The following DHRSX variants were observed in gnomAD, a reference collection of about 807,000 sequenced individuals.
The protein encoded by DHRSX is polyprenol dehydrogenase.
Under a neutral mutation model 34.0 loss-of-function variants are expected in DHRSX, and 31 were observed. That is an observed-to-expected ratio of 0.91 (90% confidence interval 0.69 to 1.23). The LOEUF (loss-of-function observed/expected upper bound fraction) is 1.23, where lower values mean the gene tolerates loss of function less well. Among genes scored for constraint, DHRSX ranks in the 50% most tolerant of loss-of-function variants. The pLI, the probability that DHRSX is intolerant of heterozygous loss-of-function variation, is 0.00. For missense variants in DHRSX, 414 were observed against 428.1 expected, an observed-to-expected ratio of 0.97 and a Z score of 0.29; for synonymous variants, 201 against 183.8, an observed-to-expected ratio of 1.09 and a Z score of -0.76.
At chrX:2,488,469 C>T in intron 1 of DHRSX, 1 of 963,498 alleles carries the variant, frequency 1.0e-6, no homozygotes, top group Non-Finnish European at 1.5e-6. Flanking sequence ...GCCACCGCCC[C>T]CGACCCTCTC....
rs191316419 is a variant in DHRSX at position 2,384,989 on chromosome X, G to C, written c.286+23756C>G. Among the ~76,000 whole-genome samples the C allele has an allele frequency of 8.0e-3, 1,217 of 151,762 alleles. 32 individuals are homozygous for C. In the East Asian group the frequency reaches 0.093, roughly 12 times the overall value. Reference sequence around the variant, plus strand: ...CATTTGCTGCGCACCTGTAGTCCCAGCTGCTCGGGAGGCTGAGGCAGGAGA... The same window carrying C: ...CATTTGCTGCGCACCTGTAGTCCCACCTGCTCGGGAGGCTGAGGCAGGAGA... On this transcript the variant is annotated intron_variant, in intron 3 of 6. Transcript: ENST00000334651.
intron 1 of DHRSX, among the ~76,000 whole-genome samples, chrX:2,441,996 C>T (rs1450217761): frequency 6.6e-6 from 1 of 152,156 alleles, no homozygotes; most frequent in Non-Finnish European, 1.5e-5. Flanking sequence ...ATTGCTTGAA[C>T]CCAGAAGGCA....
chrX:2,247,357 A>G (rs2016321248), intron 5 of DHRSX, among the ~76,000 whole-genome samples: 1 of 149,006 alleles, frequency 6.7e-6, no homozygotes, highest in South Asian at 2.1e-4. Flanking sequence ...CCCTGAAACT[A>G]TAAAAAAAAA....
intron 3 of DHRSX, among the ~76,000 whole-genome samples, chrX:2,318,501 G>A (rs995733723): frequency 3.3e-5 from 5 of 152,130 alleles, no homozygotes; most frequent in African/African-American, 1.2e-4. Context: ...AACCAAGATG[G>A]CGACGAGACT....
At chrX:2,414,429 T>A (rs193214798) in intron 2 of DHRSX, among the ~76,000 whole-genome samples, 1 of 151,598 alleles carries the variant, frequency 6.6e-6, no homozygotes, top group Non-Finnish European at 1.5e-5. Flanking sequence ...CTAACCCAAC[T>A]AGAACTCATC....
intron 3 of DHRSX, among the ~76,000 whole-genome samples, chrX:2,347,028 T>C (rs1488010804): frequency 2.0e-5 from 3 of 152,224 alleles, no homozygotes; most frequent in Non-Finnish European, 2.9e-5. Context: ...CTGTGCCATA[T>C]TGTCTTTACA....
chrX:2,387,194 G>A (rs1355706588), intron 3 of DHRSX, among the ~76,000 whole-genome samples: 2 of 151,968 alleles, frequency 1.3e-5, no homozygotes, highest in Non-Finnish European at 2.9e-5. Flanking sequence ...ACATGAGTTT[G>A]GGCACTGGGA....
chrX:2,498,286 T>C (rs1245264900), intron 1 of DHRSX, among the ~76,000 whole-genome samples: 1 of 152,164 alleles, frequency 6.6e-6, no homozygotes, highest in Non-Finnish European at 1.5e-5. Context: ...ATTGGCCCTC[T>C]TGGTTATTCA....
chrX:2,250,334 G>A (rs1438404132), intron 5 of DHRSX, among the ~76,000 whole-genome samples: 2 of 152,036 alleles, frequency 1.3e-5, no homozygotes, highest in African/African-American at 4.8e-5. Context: ...AACTCCGAGT[G>A]GGTCCATAGA....
intron 3 of DHRSX, among the ~76,000 whole-genome samples, chrX:2,315,306 T>C (rs1242955476): frequency 1.3e-5 from 2 of 152,044 alleles, no homozygotes; most frequent in Non-Finnish European, 2.9e-5. Flanking sequence ...TGGACACCAG[T>C]CCAGTTTGGC....
At chrX:2,230,237 G>A (rs895560894) in intron 6 of DHRSX, among the ~76,000 whole-genome samples, 4 of 152,180 alleles carry the variant, frequency 2.6e-5, no homozygotes, top group African/African-American at 9.7e-5. Flanking sequence ...GTGCATGAGT[G>A]TGCACATGTG....
chrX:2,288,546 G>A (rs1252549497), intron 4 of DHRSX, among the ~76,000 whole-genome samples: 4 of 152,174 alleles, frequency 2.6e-5, no homozygotes, highest in Admixed American at 6.6e-5. Context: ...CTTTAAGGCC[G>A]GGTTGGAGGC....
intron 1 of DHRSX, among the ~76,000 whole-genome samples, chrX:2,474,173 C>A (rs111489558): frequency 0.21 from 31,240 of 151,880 alleles, 4,281 homozygotes; most frequent in African/African-American, 0.39. Flanking sequence ...GCCAAGGGAT[C>A]GCCACCGTGT....
intron 5 of DHRSX, among the ~76,000 whole-genome samples, chrX:2,249,675 C>T (rs2016390770): frequency 6.6e-6 from 1 of 151,460 alleles, no homozygotes; most frequent in South Asian, 2.1e-4. Context: ...AGGCGCCTAC[C>T]ATCACGCCCA....
rs956834282 is a variant in DHRSX, at chrX:2,290,977, C to T, written c.388+525G>A. 5.7e-4 allele frequency among the ~76,000 whole-genome samples: 86 copies of T among 152,064 alleles called. 1 individual carries two copies. Among genetic ancestry groups the T allele is most frequent in the Non-Finnish European group, 1.3e-4 (9 of 68,022 alleles). ...AGGTCAACAGTAAGCGTTGCAATGACCTTAAGCACTCAGCGAGGCTCAAAG... is the reference window on the plus strand; with the variant it reads ...AGGTCAACAGTAAGCGTTGCAATGATCTTAAGCACTCAGCGAGGCTCAAAG... On this transcript the variant is annotated intron_variant, in intron 4 of 6. Transcript: ENST00000334651.
At chrX:2,442,201 T>C (rs2044071464) in intron 1 of DHRSX, among the ~76,000 whole-genome samples, 2 of 151,896 alleles carry the variant, frequency 1.3e-5, no homozygotes, top group South Asian at 2.1e-4. Flanking sequence ...AGAAAACATA[T>C]GTACTACTCA....
intron 3 of DHRSX, among the ~76,000 whole-genome samples, chrX:2,373,649 G>C (rs2043106611): frequency 6.6e-6 from 1 of 152,170 alleles, no homozygotes; most frequent in African/African-American, 2.4e-5. Context: ...AAAGGGGAAG[G>C]GGTTGTTGTA....
At chrX:2,263,546 TG>T (rs1179045956) in intron 5 of DHRSX, among the ~76,000 whole-genome samples, 4 of 149,918 alleles carry the variant, frequency 2.7e-5, no homozygotes, top group African/African-American at 7.4e-5. Context: ...GGAATTTTGC[TG>T]TTGTTACTCC....
At chrX:2,310,948 C>A (rs1485171087) in intron 3 of DHRSX, among the ~76,000 whole-genome samples, 1 of 151,740 alleles carries the variant, frequency 6.6e-6, no homozygotes, top group Non-Finnish European at 1.5e-5. Flanking sequence ...GTAATCCCAG[C>A]TACTCGGGAG....
Sources: allele counts gnomAD v4.1 joint callset (sites outside exome capture counted in the v4.1 genomes callset), GRCh38; gene constraint gnomAD v4.1.1; transcripts MANE v1.5; gene names NCBI Gene and HGNC (gene_info 2026-07-23, HGNC 2026-07-21).